The following KIAA1671 variants were observed in gnomAD, a reference collection of about 807,000 sequenced individuals.
KIAA1671 encodes the protein uncharacterized protein KIAA1671.
In KIAA1671, 52 loss-of-function variants were observed where a neutral mutation model predicts 131.2. That is an observed-to-expected ratio of 0.40 (90% confidence interval 0.32 to 0.50). The LOEUF (loss-of-function observed/expected upper bound fraction) is 0.50. Among genes scored for constraint, KIAA1671 ranks in the 20% least tolerant of loss-of-function variants. KIAA1671 has a pLI of 0.73. For missense variants in KIAA1671, 2,360 were observed against 2,364.2 expected, an observed-to-expected ratio of 1.00 and a Z score of 0.04; for synonymous variants, 1,003 against 961.6, an observed-to-expected ratio of 1.04 and a Z score of -0.80.
At chr22:25,048,938 G>A (rs1265456761) in intron 5 of KIAA1671, 8 of 351,086 alleles carry the variant, frequency 2.3e-5, no homozygotes, top group South Asian at 7.5e-5. Flanking sequence ...GTTTCTTAGC[G>A]CCTAGAAGCT....
At chr22:25,090,726 T>C (rs1381575188) in intron 6 of KIAA1671, among the ~76,000 whole-genome samples, 1 of 152,184 alleles carries the variant, frequency 6.6e-6, no homozygotes, top group African/African-American at 2.4e-5. Flanking sequence ...CATCAAGCAA[T>C]ATTGTTATCA....
At chr22:24,965,755 A>AAAAAAAG in intron 1 of KIAA1671, among the ~76,000 whole-genome samples, 1 of 151,864 alleles carries the variant, frequency 6.6e-6, no homozygotes, top group South Asian at 2.1e-4. Context: ...AAAAAAAAAA[A>AAAAAAAG]AAAAAAGAAA....
chr22:25,010,651 C>T (rs1303333660), intron 1 of KIAA1671: 3 of 152,142 alleles, frequency 2.0e-5, no homozygotes, highest in Admixed American at 2.0e-4. Context: ...TTAAAGGAAC[C>T]ACAGCCACTG....
chr22:25,118,541 T>G (rs1931788110), intron 6 of KIAA1671, among the ~76,000 whole-genome samples: 1 of 152,100 alleles, frequency 6.6e-6, no homozygotes, highest in Non-Finnish European at 1.5e-5. Context: ...TCCACCTACT[T>G]CAGCCTCCCA....
intron 6 of KIAA1671, among the ~76,000 whole-genome samples, chr22:25,067,713 A>G (rs1928555023): frequency 6.6e-6 from 1 of 151,938 alleles, no homozygotes; most frequent in Non-Finnish European, 1.5e-5. Flanking sequence ...CTCTCCGGGC[A>G]TTTCTCTGTC....
At chr22:25,099,072 G>A (rs1440232221) in intron 6 of KIAA1671, among the ~76,000 whole-genome samples, 4 of 152,192 alleles carry the variant, frequency 2.6e-5, no homozygotes, top group African/African-American at 9.7e-5. Context: ...CTGTTGCCTT[G>A]CCCAGAGAGT....
chr22:25,050,328 TG>T (rs1301588367), intron 6 of KIAA1671: 1 of 152,324 alleles, frequency 6.6e-6, no homozygotes, highest in Admixed American at 6.5e-5. Context: ...AGTTCCATGC[TG>T]TTTGGAGTTT....
At chr22:24,998,051 T>G (rs1361421083) in intron 1 of KIAA1671, among the ~76,000 whole-genome samples, 1 of 152,236 alleles carries the variant, frequency 6.6e-6, no homozygotes, top group Non-Finnish European at 1.5e-5. Flanking sequence ...CAAATATTCT[T>G]GACTTATAAT....
In KIAA1671 at chr22:25,156,102, A is replaced by G. The variant is rs554559721; in HGVS notation, c.4531-14718A>G. Among the ~76,000 whole-genome samples, 5 of 137,268 alleles carry G rather than the reference A, an allele frequency of 3.6e-5. No individual in the cohort carries two copies. In the South Asian group the frequency reaches 1.2e-3, roughly 32 times the overall value. 90.1% of individuals were successfully genotyped at this position (137,268 alleles called of 152,430 possible). ...AGTGGCGTGATCTCGGCTCACTGCA[A>G]GCTCTCACCTCCTAGGTTCATGCCA... On this transcript the variant is annotated intron_variant, in intron 6 of 12. Transcript: ENST00000358431.
At chr22:25,017,475 T>C (rs9612829) in intron 1 of KIAA1671, among the ~76,000 whole-genome samples, 3 of 151,842 alleles carry the variant, frequency 2.0e-5, no homozygotes, top group Admixed American at 6.6e-5. Flanking sequence ...TTACAGGGAG[T>C]TACTTCTGCC....
chr22:24,983,774 AT>A (rs1164602658), intron 1 of KIAA1671, among the ~76,000 whole-genome samples: 5,771 of 116,718 alleles, frequency 0.049, 651 homozygotes, highest in African/African-American at 0.21. Context: ...GGTGTTTGGA[AT>A]TTTTTTTTTT....
chr22:25,081,167 A>G (rs974530857), intron 6 of KIAA1671, among the ~76,000 whole-genome samples: 1 of 152,118 alleles, frequency 6.6e-6, no homozygotes, highest in Non-Finnish European at 1.5e-5. Context: ...ATGCCATGTG[A>G]CCCTGAGCAA....
intron 11 of KIAA1671, among the ~76,000 whole-genome samples, chr22:25,189,333 C>T (rs1252561648): frequency 4.0e-5 from 6 of 151,732 alleles, no homozygotes; most frequent in African/African-American, 9.7e-5. Context: ...CCACCACACC[C>T]GGCTAATTTT....
chr22:25,104,082 G>A (rs1306147827), intron 6 of KIAA1671, among the ~76,000 whole-genome samples: 2 of 151,954 alleles, frequency 1.3e-5, no homozygotes, highest in Non-Finnish European at 1.5e-5. Flanking sequence ...GGGTTCAAGC[G>A]ATTCTCCTGC....
chr22:25,008,270 G>A (rs1262856071), intron 1 of KIAA1671, among the ~76,000 whole-genome samples: 1 of 151,482 alleles, frequency 6.6e-6, no homozygotes, highest in Non-Finnish European at 1.5e-5. Flanking sequence ...ATTCTTCCTG[G>A]GCAAAGCCAA....
intron 6 of KIAA1671, among the ~76,000 whole-genome samples, chr22:25,135,577 G>A (rs1369211186): frequency 1.3e-5 from 2 of 152,048 alleles, no homozygotes; most frequent in East Asian, 1.9e-4. Flanking sequence ...TCCCACTCTC[G>A]AAGTCTAAAG....
intron 1 of KIAA1671, chr22:25,010,747 A>G (rs962140513): frequency 2.0e-5 from 3 of 152,202 alleles, no homozygotes; most frequent in African/African-American, 7.2e-5. Flanking sequence ...CATGGAATAG[A>G]AACCCAAACC....
At chr22:24,982,159 C>G (rs1005318816) in intron 1 of KIAA1671, among the ~76,000 whole-genome samples, 15 of 152,168 alleles carry the variant, frequency 9.9e-5, no homozygotes, top group African/African-American at 3.6e-4. Flanking sequence ...TAAAACCACC[C>G]CCACCTCATT....
chr22:25,049,186 A>T (rs1927400246), intron 5 of KIAA1671, 44 bp from the exon 6 acceptor site: 4 of 1,530,284 alleles, frequency 2.6e-6, no homozygotes, highest in Middle Eastern at 3.4e-4. Flanking sequence ...CCTGTAAATG[A>T]GAAGGCTCCC....
Sources: allele counts gnomAD v4.1 joint callset (sites outside exome capture counted in the v4.1 genomes callset), GRCh38; gene constraint gnomAD v4.1.1; transcripts MANE v1.5; gene names NCBI Gene and HGNC (gene_info 2026-07-23, HGNC 2026-07-21).